The following HAT1 variants were observed in gnomAD, a reference collection of about 807,000 sequenced individuals.
HAT1 encodes histone acetyltransferase 1.
Under a neutral mutation model 56.6 loss-of-function variants are expected in HAT1, and 20 were observed. The observed-to-expected ratio is 0.35, with a 90% confidence interval of 0.25 to 0.51. HAT1 has a LOEUF of 0.51. Ranked by LOEUF, HAT1 falls within the 20% of genes least tolerant of loss-of-function variation. HAT1 has a pLI of 0.95. For synonymous variants in HAT1, 146 were observed against 165.5 expected (o/e 0.88, Z 0.91); for missense variants, 408 against 504.3 (o/e 0.81, Z 1.83).
chr2:171,965,542 TGAGTA>T (rs1687664561), intron 5 of HAT1, 25 bp downstream of exon 5: 1 of 1,390,208 alleles, frequency 7.2e-7, no homozygotes. Flanking sequence ...AAATATTTAT[TGAGTA>T]AAGTTCTATT....
chr2:171,979,043 AT>A (rs1688061612), intron 9 of HAT1, among the ~76,000 whole-genome samples: 1 of 152,066 alleles, frequency 6.6e-6, no homozygotes, highest in Non-Finnish European at 1.5e-5. Flanking sequence ...GTGAACTATG[AT>A]CGTGCCACAT....
rs903539178 is a variant in HAT1, at chr2:171,925,470, A to C, written c.8-67A>C. The stretch of plus-strand genomic sequence containing the variant: ...TCATACCCCTATTCCACTTATAATA[A>C]CCCTATTGCAGGTTTGACAATTTAA... On this transcript the variant is annotated intron_variant, in intron 1 of 10. Transcript: ENST00000264108. 1.5e-5 allele frequency: 11 copies of C among 753,264 alleles called. No individual in the cohort carries two copies. In the East Asian group the frequency reaches 2.0e-4, roughly 14 times the overall value. The allele number at this position is 753,264 out of a possible 1,614,324, so 46.7% of individuals were successfully genotyped here.
chr2:171,965,556 T>C (rs1687664909), intron 5 of HAT1, 39 bp downstream of exon 5: 2 of 1,312,302 alleles, frequency 1.5e-6, no homozygotes, highest in East Asian at 4.7e-5. Flanking sequence ...TAAAGTTCTA[T>C]TTGCCTGAAA....
At chr2:171,953,711 C>G (rs886501354) in intron 4 of HAT1, among the ~76,000 whole-genome samples, 1 of 146,330 alleles carries the variant, frequency 6.8e-6, no homozygotes, top group Admixed American at 7.0e-5. Flanking sequence ...ATCACATTCT[C>G]AGGCTGGGTG....
chr2:171,953,516 T>G (rs1687363196), intron 4 of HAT1, among the ~76,000 whole-genome samples: 1 of 149,500 alleles, frequency 6.7e-6, no homozygotes, highest in Non-Finnish European at 1.5e-5. Flanking sequence ...CTCAGCTACT[T>G]GGGAGGCTGA....
intron 10 of HAT1, chr2:171,979,692 A>G: frequency 5.6e-6 from 1 of 178,312 alleles, no homozygotes; most frequent in East Asian, 1.6e-4. Flanking sequence ...CCTGTAATAC[A>G]GTGACTTGGG....
chr2:171,936,643 ATATT>A (rs1048167640), intron 2 of HAT1, among the ~76,000 whole-genome samples: 4 of 152,160 alleles, frequency 2.6e-5, no homozygotes, highest in African/African-American at 9.7e-5. Flanking sequence ...TCTCTAGGGA[ATATT>A]TAATGTTGAG....
chr2:171,979,321 C>T lies in HAT1; in HGVS notation c.1050C>T (p.Ser350=). Reference sequence around the variant, plus strand: ...TGAGTGATGCCGAACAATACAGAAGCTACAGACTGGATATTAAAAGAAGAC... The same window carrying T: ...TGAGTGATGCCGAACAATACAGAAGTTACAGACTGGATATTAAAAGAAGAC... ...TDMSDAEQYR[S]YRLDIKRRLI... is the part of the protein sequence containing the mutation. Residue 350 remains serine, a synonymous_variant, in exon 10 of 11, where the codon AGC becomes AGT. Transcript: ENST00000264108. The T allele has an allele frequency of 6.2e-7, 1 of 1,602,996 alleles. No homozygotes were observed. Among genetic ancestry groups the T allele is most frequent in the Non-Finnish European group, 8.5e-7 (1 of 1,170,116 alleles).
intron 10 of HAT1, 97 bp downstream of exon 10, chr2:171,979,460 T>C (rs753764744): frequency 1.5e-6 from 1 of 685,184 alleles, no homozygotes; most frequent in Non-Finnish European, 2.6e-6. Context: ...TCCAAGTCAT[T>C]TTGTAAAATT....
intron 4 of HAT1, chr2:171,964,836 AT>A (rs11429200): frequency 0.18 from 28,006 of 152,072 alleles, 3,767 homozygotes; most frequent in African/African-American, 0.37. Context: ...AAATATGTAT[AT>A]TTTTAAGTTA....
In HAT1 at chr2:171,925,839, A is replaced by G. The variant is rs1450909705; in HGVS notation, c.112+198A>G. Among the ~76,000 whole-genome samples, 4 of 151,822 alleles carry G rather than the reference A, an allele frequency of 2.6e-5. No individual in the cohort carries two copies. The East Asian group carries it at 7.8e-4, about 29-fold the overall frequency. ...AAGGTGTAGATGTTTGAAAGGTGAC[A>G]GAATTTTATATAAAAAGGAAAGACG... On this transcript the variant is annotated intron_variant, in intron 2 of 10. Transcript: ENST00000264108.
intron 4 of HAT1, among the ~76,000 whole-genome samples, chr2:171,956,464 A>T (rs1385518747): frequency 1.3e-5 from 2 of 152,048 alleles, no homozygotes; most frequent in African/African-American, 4.8e-5. Context: ...GTGAGCCAAG[A>T]TGGTGCCACT....
intron 6 of HAT1, 164 bp from the exon 7 acceptor site, chr2:171,966,245 C>T: frequency 1.6e-6 from 1 of 641,470 alleles, no homozygotes; most frequent in South Asian, 1.7e-5. Context: ...TGCTGCACAC[C>T]AATTAAGTGA....
chr2:171,926,417 C>T (rs1397886460), intron 2 of HAT1, among the ~76,000 whole-genome samples: 1 of 152,216 alleles, frequency 6.6e-6, no homozygotes, highest in Non-Finnish European at 1.5e-5. Context: ...CCTCAGCCTC[C>T]CGTGTAGCTG....
At chr2:171,953,770 G>A (rs541967558) in intron 4 of HAT1, among the ~76,000 whole-genome samples, 4 of 152,034 alleles carry the variant, frequency 2.6e-5, no homozygotes, top group African/African-American at 4.8e-5. Context: ...CAAGGTGGGC[G>A]GATCACCTGA....
At chr2:171,977,551 A>ATT (rs1688013752) in intron 9 of HAT1, among the ~76,000 whole-genome samples, 1 of 13,430 alleles carries the variant, frequency 7.4e-5, no homozygotes, top group African/African-American at 3.0e-4. Flanking sequence ...ATATATATAT[A>ATT]TATATATTTT....
chr2:171,936,046 G>A lies in HAT1; in HGVS notation c.112+10405G>A, dbSNP rs148436261. ...CACATCATGGGAATAAGTGGCTAAG[G>A]TACAGTAAAGACAAAATTCTTGGGG... On this transcript the variant is annotated intron_variant, in intron 2 of 10. Coordinates refer to ENST00000264108, the MANE Select transcript of HAT1 (RefSeq NM_003642.4). Among the ~76,000 whole-genome samples, 845 of 152,258 alleles carry A rather than the reference G, an allele frequency of 5.5e-3. 2 individuals carry two copies. Among genetic ancestry groups the A allele is most frequent in the Non-Finnish European group, 8.8e-3 (598 of 68,002 alleles).
chr2:171,944,293 G>A (rs1281047902), intron 2 of HAT1, among the ~76,000 whole-genome samples: 1 of 152,134 alleles, frequency 6.6e-6, no homozygotes, highest in Non-Finnish European at 1.5e-5. Context: ...GATTTATTTG[G>A]GAGAGTAAAG....
intron 4 of HAT1, chr2:171,965,126 CT>C: frequency 2.0e-6 from 1 of 493,438 alleles, no homozygotes; most frequent in South Asian, 3.1e-5. Context: ...CCTGCCTTCT[CT>C]TATTTACTTT....
Sources: allele counts gnomAD v4.1 joint callset (sites outside exome capture counted in the v4.1 genomes callset), GRCh38; gene constraint gnomAD v4.1.1; transcripts MANE v1.5; gene names NCBI Gene and HGNC (gene_info 2026-07-23, HGNC 2026-07-21).